MYH11: variants seen among roughly 807,000 people sequenced by gnomAD.
The protein encoded by MYH11 is myosin-11.
In MYH11, 80 loss-of-function variants were observed where a neutral mutation model predicts 246.6. The ratio of observed to expected loss-of-function variants is 0.32; its 90% CI spans 0.27 to 0.39. The LOEUF is 0.39. MYH11 is among the 10% of genes least tolerant of loss of function. MYH11 has a pLI of 1.00. For synonymous variants in MYH11, 1,071 were observed against 1,015.5 expected (o/e 1.05, Z -1.04); for missense variants, 2,158 against 2,546.8 (o/e 0.85, Z 3.29).
intron 31 of MYH11, among the ~76,000 whole-genome samples, chr16:15,722,020 G>C (rs546826594): frequency 3.1e-4 from 47 of 152,206 alleles, no homozygotes; most frequent in Non-Finnish European, 5.6e-4. Context: ...ACCACACCTG[G>C]CTAATTTTTG....
chr16:15,831,457 T>G (rs951082425), intron 2 of MYH11, among the ~76,000 whole-genome samples: 1 of 100,730 alleles, frequency 9.9e-6, no homozygotes. Flanking sequence ...CTTTTTCTTA[T>G]GTTTGGGGTG....
chr16:15,810,714 G>A (rs768433665), intron 3 of MYH11, among the ~76,000 whole-genome samples: 3 of 152,178 alleles, frequency 2.0e-5, no homozygotes, highest in South Asian at 2.1e-4. Context: ...CCCAGGGCCC[G>A]TTTCCTCACC....
intron 40 of MYH11, chr16:15,711,388 A>C (rs1300337774): frequency 6.6e-6 from 1 of 152,192 alleles, no homozygotes; most frequent in Non-Finnish European, 1.5e-5. Context: ...TTAGTGGAGA[A>C]GTAGGCTTCA....
chr16:15,803,199 A>G (rs2042928721), intron 3 of MYH11, among the ~76,000 whole-genome samples: 1 of 152,136 alleles, frequency 6.6e-6, no homozygotes, highest in African/African-American at 2.4e-5. Flanking sequence ...CTCTGGAGAC[A>G]GACAGATACC....
chr16:15,793,086 C>T (rs944317610), intron 4 of MYH11, among the ~76,000 whole-genome samples: 1 of 152,032 alleles, frequency 6.6e-6, no homozygotes, highest in Non-Finnish European at 1.5e-5. Context: ...CCTGGAAGCA[C>T]CCCCTTACCT....
Position 15,720,142 on chromosome 16 carries a change from G to GTCACCCAA in MYH11, c.4953+8_4953+9insTTGGGTGA. ...TCCACCCATGCCCCAAGCTCCTAGTGTCACCCACCTGCAGTTTGCGTAGCT... is the reference window on the plus strand; with the variant it reads ...TCCACCCATGCCCCAAGCTCCTAGTGTCACCCAATCACCCACCTGCAGTTTGCGTAGCT... On this transcript the variant is annotated intron_variant, in intron 34 of 40. Transcript: ENST00000300036. The GTCACCCAA allele has an allele frequency of 6.2e-7, 1 of 1,614,084 alleles. No individual in the cohort carries two copies. Among genetic ancestry groups the GTCACCCAA allele is most frequent in the Non-Finnish European group, 8.5e-7 (1 of 1,180,010 alleles).
intron 5 of MYH11, chr16:15,783,614 G>A (rs1221099849): frequency 6.6e-6 from 1 of 152,194 alleles, no homozygotes; most frequent in Admixed American, 6.5e-5. Context: ...AAATTTACAA[G>A]GAGCACCACG....
chr16:15,814,148 AAC>A (rs1491035032), intron 3 of MYH11, among the ~76,000 whole-genome samples: 1,053 of 93,602 alleles, frequency 0.011, 6 homozygotes, highest in African/African-American at 0.052. Context: ...CCCAAAAAAA[AAC>A]AAACAAACCA....
At chr16:15,722,404 A>G (rs1241499570) in intron 31 of MYH11, among the ~76,000 whole-genome samples, 1 of 152,186 alleles carries the variant, frequency 6.6e-6, no homozygotes, top group Non-Finnish European at 1.5e-5. Context: ...CGTTAATCTC[A>G]TCTTCAGAGA....
At chr16:15,843,544 T>A (rs890198459) in intron 1 of MYH11, among the ~76,000 whole-genome samples, 1 of 147,704 alleles carries the variant, frequency 6.8e-6, no homozygotes, top group Non-Finnish European at 1.5e-5. Context: ...AAAAAAAAAA[T>A]TAGCCGGGCG....
rs557865832 is a variant in MYH11 at position 15,786,631 on chromosome 16, G to C, written c.632C>G (p.Thr211Arg). 6.2e-7 allele frequency: 1 copy of C among 1,613,814 alleles called. No individual in the cohort carries two copies. Residue 211 changes from threonine (T) to arginine (R), a missense_variant and splice_region_variant, in exon 5 of 41, where the codon ACG becomes AGG. Thr to Arg is a moderately conservative substitution (Grantham distance 71). This residue lies in a region of MYH11 where 123 missense variants were observed against 207.1 expected (regional missense o/e 0.59). Transcript: ENST00000300036. ...CTCTGATTGGGAACTGCCACTCACCGTGATACTTGTGTCTTTCTTGCCCTT... is the reference window on the plus strand; with the variant it reads ...CTCTGATTGGGAACTGCCACTCACCCTGATACTTGTGTCTTTCTTGCCCTT... ...SHKGKKDTSITGELEKQLLQA... is the reference protein window; with the variant it reads ...SHKGKKDTSIRGELEKQLLQA...
At chr16:15,772,240 C>A (rs965832974) in intron 8 of MYH11, among the ~76,000 whole-genome samples, 1 of 151,764 alleles carries the variant, frequency 6.6e-6, no homozygotes, top group Admixed American at 6.6e-5. Flanking sequence ...TACAGGCGCC[C>A]GCCACCACGC....
chr16:15,708,304 G>A (rs1389944392), intron 40 of MYH11, among the ~76,000 whole-genome samples: 1 of 152,178 alleles, frequency 6.6e-6, no homozygotes, highest in African/African-American at 2.4e-5. Flanking sequence ...CGCAGTTACC[G>A]TGAACTTTGT....
chr16:15,706,962 A>G (rs1314919600), intron 40 of MYH11, among the ~76,000 whole-genome samples: 1 of 152,198 alleles, frequency 6.6e-6, no homozygotes, highest in Non-Finnish European at 1.5e-5. Flanking sequence ...TCCTAGACCA[A>G]GGTTGACACC....
intron 27 of MYH11, among the ~76,000 whole-genome samples, chr16:15,731,062 T>G (rs2040946301): frequency 6.6e-6 from 1 of 151,882 alleles, no homozygotes; most frequent in African/African-American, 2.4e-5. Context: ...GCTCAAGCAA[T>G]CCTCCCTCCT....
rs184536574 is a variant in MYH11 at position 15,794,272 on chromosome 16, C to T, written c.530+4388G>A. ...ATTTTCAGTTTCTTAACTGCATAAC[C>T]AAACAGTTGGCTCCAGCCTGGCTTC... On this transcript the variant is annotated intron_variant, in intron 4 of 40. Transcript: ENST00000300036. Among the ~76,000 whole-genome samples the T allele has an allele frequency of 3.9e-5, 6 of 152,152 alleles. No homozygotes were observed. The South Asian group carries it at 1.2e-3, about 32-fold the overall frequency.
At chr16:15,740,890 C>A (rs1399850151) in intron 22 of MYH11, among the ~76,000 whole-genome samples, 1 of 152,178 alleles carries the variant, frequency 6.6e-6, no homozygotes, top group Non-Finnish European at 1.5e-5. Flanking sequence ...TCTCTCAGAT[C>A]ACTCCTTCTG....
chr16:15,741,336 C>A, intron 22 of MYH11, 127 bp downstream of exon 22: 1 of 1,090,202 alleles, frequency 9.2e-7, no homozygotes, highest in East Asian at 2.4e-5. Context: ...GATGACCAAC[C>A]CTCTCCAAGC....
At position 15,719,290 on chromosome 16, in the gene MYH11, T is replaced by C. The variant is rs757288297; in HGVS notation, c.5101A>G (p.Arg1701Gly). The C allele has an allele frequency of 6.2e-7, 1 of 1,612,178 alleles. No homozygotes were observed. Among genetic ancestry groups the C allele is most frequent in the Non-Finnish European group, 8.5e-7 (1 of 1,179,992 alleles). The change falls in exon 36 of 41, where the codon AGG becomes GGG. Residue 1701 changes from arginine to glycine, a missense_variant. Arg to Gly is a moderately radical substitution (Grantham distance 125). Coordinates refer to ENST00000300036, the MANE Select transcript of MYH11 (RefSeq NM_002474.3). ...QLQEDLAAAE[R>G]ARKQADLEKE... ...TCGAGGTCCGCTTGTTTGCGAGCCC[T>C]CTCAGCGGCGGCGAGGTCCTAGGTG...
Sources: allele counts gnomAD v4.1 joint callset (sites outside exome capture counted in the v4.1 genomes callset), GRCh38; gene constraint gnomAD v4.1.1; regional missense constraint gnomAD v4.1.1; transcripts MANE v1.5; gene names NCBI Gene and HGNC (gene_info 2026-07-23, HGNC 2026-07-21).